The following ARAP2 variants were observed in gnomAD, a reference collection of about 807,000 sequenced individuals.
ARAP2 encodes the protein arf-GAP with Rho-GAP domain, ANK repeat and PH domain-containing protein 2.
In ARAP2, 148 loss-of-function variants were observed where a neutral mutation model predicts 194.5. The ratio of observed to expected loss-of-function variants is 0.76; its 90% CI spans 0.67 to 0.87. The LOEUF (loss-of-function observed/expected upper bound fraction) is 0.87. Ranked by LOEUF, ARAP2 falls within the 40% of genes least tolerant of loss-of-function variation. The pLI is 0.00. For synonymous variants in ARAP2, 695 were observed against 683.5 expected, an observed-to-expected ratio of 1.02 and a Z score of -0.26; for missense variants, 2,128 against 1,989.7, an observed-to-expected ratio of 1.07 and a Z score of -1.32.
chr4:36,103,522 A>G (rs1029535062), intron 27 of ARAP2, among the ~76,000 whole-genome samples: 4 of 151,656 alleles, frequency 2.6e-5, no homozygotes, highest in Non-Finnish European at 5.9e-5. Flanking sequence ...ATAGCAATGT[A>G]AATGAAGTTT....
At chr4:36,114,391 T>G (rs1157037251) in intron 25 of ARAP2, 104 bp from the exon 26 acceptor site, 4 of 730,292 alleles carry the variant, frequency 5.5e-6, no homozygotes, top group African/African-American at 1.8e-5. Flanking sequence ...TATCTTGAAT[T>G]TATTTTGAGC....
rs147629869 is a variant in ARAP2 at position 36,177,924 on chromosome 4, G to T, written c.1760C>A (p.Thr587Lys). Residue 587 changes from threonine to lysine, a missense_variant, in exon 9 of 33, where the codon ACA becomes AAA. Thr to Lys is a moderately conservative substitution (Grantham distance 78). Coordinates refer to ENST00000303965, the MANE Select transcript of ARAP2 (RefSeq NM_015230.4). ...SLTSQSQAVV[T>K]PEKCGYLELR... ...TTCAAGATATCCACATTTCTCAGGT[G>T]TAACAACAGCTTGAGACTGCGAGGT... The T allele has an allele frequency of 4.3e-5, 70 of 1,613,580 alleles. No homozygotes were observed. In the East Asian group the frequency reaches 1.5e-3, roughly 35 times the overall value.
chr4:36,088,300 C>T (rs1048995273), intron 28 of ARAP2, among the ~76,000 whole-genome samples: 1 of 151,990 alleles, frequency 6.6e-6, no homozygotes, highest in Non-Finnish European at 1.5e-5. Flanking sequence ...GTCCACTGCA[C>T]AAAACCAAAC....
intron 9 of ARAP2, among the ~76,000 whole-genome samples, chr4:36,010,736 C>G (rs1257500539): frequency 6.6e-6 from 1 of 152,100 alleles, no homozygotes; most frequent in Non-Finnish European, 1.5e-5. Flanking sequence ...CCCCTCGCCT[C>G]TAAGAATAAT....
intron 7 of ARAP2, among the ~76,000 whole-genome samples, chr4:36,190,684 T>A (rs181667660): frequency 7.4e-4 from 113 of 152,200 alleles, no homozygotes; most frequent in African/African-American, 2.6e-3. Flanking sequence ...TTGGAGAAAA[T>A]CAAGAAAAGG....
intron 5 of ARAP2, among the ~76,000 whole-genome samples, chr4:36,035,407 T>C (rs1028776919): frequency 6.6e-6 from 1 of 152,170 alleles, no homozygotes; most frequent in Admixed American, 6.5e-5. Context: ...AATATATTTA[T>C]AAATTCTATT....
chr4:36,174,208 T>TA (rs559229201), intron 9 of ARAP2, among the ~76,000 whole-genome samples: 89 of 152,260 alleles, frequency 5.8e-4, no homozygotes, highest in African/African-American at 2.0e-3. Context: ...CAAACCCAAT[T>TA]ACACAGCTCA....
At chr4:36,233,109 T>C (rs1317965307) in intron 1 of ARAP2, among the ~76,000 whole-genome samples, 2 of 152,218 alleles carry the variant, frequency 1.3e-5, no homozygotes, top group Non-Finnish European at 2.9e-5. Context: ...ATGTCAACTC[T>C]GTCCTCCAAT....
At chr4:36,014,309 GGA>G (rs1715276311) in intron 8 of ARAP2, among the ~76,000 whole-genome samples, 1 of 85,202 alleles carries the variant, frequency 1.2e-5, no homozygotes, top group African/African-American at 5.5e-5. Flanking sequence ...AGAGAAGGAA[GGA>G]AAGAAAGAAA....
chr4:36,080,167 G>T lies in ARAP2; in HGVS notation c.4608+49C>A, dbSNP rs776904763. 6.7e-6 allele frequency: 10 copies of T among 1,490,418 alleles called. No individual in the cohort carries two copies. In the Admixed American group the frequency reaches 1.8e-4, roughly 27 times the overall value. 92.3% of individuals were successfully genotyped at this position (1,490,418 alleles called of 1,614,324 possible). On this transcript the variant is annotated intron_variant, in intron 31 of 32. Coordinates refer to ENST00000303965, the MANE Select transcript of ARAP2 (RefSeq NM_015230.4). ...AATCACCATCACACTAACATTTCCT[G>T]TAAACAAAGTTATTATACTCTACTG...
In ARAP2 at chr4:36,044,797, A is replaced by G. The variant is rs148413953; in HGVS notation, n.607+1182T>C. On this transcript the variant is annotated intron_variant and non_coding_transcript_variant, in intron 5 of 12. Transcript: ENST00000503225. Reference sequence around the variant, plus strand: ...AGGGGAAAATATTTTCAAATTATGCATCTGATAAGGGGATAAATTCAAAAT... The same window carrying G: ...AGGGGAAAATATTTTCAAATTATGCGTCTGATAAGGGGATAAATTCAAAAT... Among the ~76,000 whole-genome samples the G allele has an allele frequency of 8.3e-3, 1,263 of 152,250 alleles. 23 individuals carry two copies. Among genetic ancestry groups the G allele is most frequent in the African/African-American group, 0.029 (1,202 of 41,554 alleles).
At position 36,229,191 on chromosome 4, in the gene ARAP2, T is replaced by C; in HGVS notation, c.296A>G (p.Asp99Gly). ...PSKDYHVPSS[D>G]QNICIELSNS... The stretch of plus-strand genomic sequence containing the variant: ...GGAAAGTTCTATGCAGATATTCTGA[T>C]CAGAAGATGGAACATGGTAATCCTT... The change falls in exon 2 of 33, where the codon GAT (aspartate) becomes GGT (glycine). Residue 99 changes from aspartate to glycine, a missense_variant. Asp to Gly is a moderately conservative substitution (Grantham distance 94). Coordinates refer to ENST00000303965, the MANE Select transcript of ARAP2 (RefSeq NM_015230.4). The C allele has an allele frequency of 6.2e-7, 1 of 1,614,150 alleles. No homozygotes were observed. The highest frequency in any genetic ancestry group is 1.7e-5 in the Admixed American group (1 of 60,014).
chr4:36,087,327 A>G (rs1488298724), intron 28 of ARAP2, among the ~76,000 whole-genome samples: 1 of 152,120 alleles, frequency 6.6e-6, no homozygotes, highest in Non-Finnish European at 1.5e-5. Flanking sequence ...TGTAAAAATT[A>G]AAGTATCAGT....
At chr4:36,071,597 A>G (rs1473534903) in intron 32 of ARAP2, among the ~76,000 whole-genome samples, 1 of 152,152 alleles carries the variant, frequency 6.6e-6, no homozygotes, top group Non-Finnish European at 1.5e-5. Context: ...ATCTGCCAAC[A>G]ACTTCTTTGA....
intron 27 of ARAP2, among the ~76,000 whole-genome samples, chr4:36,094,677 T>C (rs1349315651): frequency 6.6e-6 from 1 of 152,122 alleles, no homozygotes; most frequent in Non-Finnish European, 1.5e-5. Context: ...AACACAATGG[T>C]AATAATCTGA....
chr4:36,217,381 G>C lies in ARAP2; in HGVS notation c.906-2901C>G, dbSNP rs750764793. ...ACAAAACTTAGCTGAGCGTGGTGGC[G>C]GCACGCCAGGCACCTGTGATCCCAG... On this transcript the variant is annotated intron_variant, in intron 2 of 32. Coordinates refer to ENST00000303965, the MANE Select transcript of ARAP2 (RefSeq NM_015230.4). Among the ~76,000 whole-genome samples, 6 of 152,120 alleles carry C rather than the reference G, an allele frequency of 3.9e-5. No individual in the cohort carries two copies. The East Asian group carries it at 7.7e-4, about 20-fold the overall frequency.
chr4:36,018,598 T>C (rs1003917875), intron 6 of ARAP2, among the ~76,000 whole-genome samples: 52 of 152,324 alleles, frequency 3.4e-4, no homozygotes, highest in African/African-American at 1.3e-3. Context: ...AGCAAATAAA[T>C]TGTGTGAACA....
chr4:36,107,832 T>C, intron 26 of ARAP2, 139 bp from the exon 27 acceptor site: 2 of 703,018 alleles, frequency 2.8e-6, no homozygotes, highest in East Asian at 3.2e-5. Flanking sequence ...TGTTATATTA[T>C]ACAGTAATAG....
chr4:36,146,101 T>A (rs1469569262), intron 19 of ARAP2, among the ~76,000 whole-genome samples: 1 of 152,006 alleles, frequency 6.6e-6, no homozygotes, highest in Non-Finnish European at 1.5e-5. Context: ...AACAGCACCA[T>A]AATTCAGTAA....
Sources: allele counts gnomAD v4.1 joint callset (sites outside exome capture counted in the v4.1 genomes callset), GRCh38; gene constraint gnomAD v4.1.1; transcripts MANE v1.5; gene names NCBI Gene and HGNC (gene_info 2026-07-23, HGNC 2026-07-21).